GSK3B: variants seen among roughly 807,000 people sequenced by gnomAD.
The protein encoded by GSK3B is glycogen synthase kinase 3 beta.
Under a neutral mutation model 56.4 loss-of-function variants are expected in GSK3B, and 15 were observed. That is an observed-to-expected ratio of 0.27 (90% confidence interval 0.18 to 0.41). The LOEUF (loss-of-function observed/expected upper bound fraction) is 0.41. GSK3B is among the 10% of genes least tolerant of loss of function. The pLI is 1.00. For synonymous variants in GSK3B, 181 were observed against 188.9 expected (o/e 0.96, Z 0.34); for missense variants, 300 against 513.4 (o/e 0.58, Z 4.02).
intron 7 of GSK3B, among the ~76,000 whole-genome samples, chr3:119,898,734 C>A (rs1214485855): frequency 6.6e-6 from 1 of 152,064 alleles, no homozygotes; most frequent in Non-Finnish European, 1.5e-5. Flanking sequence ...CCAAGACTCC[C>A]AGTGGATGCC....
intron 7 of GSK3B, among the ~76,000 whole-genome samples, chr3:119,881,168 GATGA>G (rs745364470): frequency 2.0e-5 from 3 of 152,234 alleles, no homozygotes; most frequent in South Asian, 2.1e-4. Flanking sequence ...TACCTTTATG[GATGA>G]ATCTCACACA....
At chr3:119,923,862 G>A (rs2056866740) in intron 3 of GSK3B, among the ~76,000 whole-genome samples, 1 of 152,124 alleles carries the variant, frequency 6.6e-6, no homozygotes, top group Non-Finnish European at 1.5e-5. Flanking sequence ...GGAGAGTACT[G>A]AATCTGAAAC....
chr3:119,876,546 T>C (rs535206260), intron 7 of GSK3B, 38 bp from the exon 8 acceptor site: 1 of 1,142,604 alleles, frequency 8.8e-7, no homozygotes, highest in Admixed American at 1.8e-5. Context: ...TTTTCCTATA[T>C]ATTTACAAAT....
chr3:120,004,496 T>C (rs545874043), intron 1 of GSK3B, among the ~76,000 whole-genome samples: 4 of 152,286 alleles, frequency 2.6e-5, no homozygotes, highest in African/African-American at 9.6e-5. Context: ...GTAGCCTGAC[T>C]GGGAGATATC....
At position 119,912,820 on chromosome 3, in the gene GSK3B, A is replaced by AAAAAAT. The variant is rs1559833816; in HGVS notation, c.609-16_609-11dup. On this transcript the variant is annotated splice_polypyrimidine_tract_variant and intron_variant, in intron 5 of 10. Transcript: ENST00000264235. ...GACCAGCTGCTTTGCACTAACAGAAAAAAAATAAAAATAAAAAGCAGAAAT... is the reference window on the plus strand; with the variant it reads ...GACCAGCTGCTTTGCACTAACAGAAAAAAAATAAAAATAAAAATAAAAAGCAGAAAT... 7 of 1,427,096 alleles carry AAAAAAT rather than the reference A, an allele frequency of 4.9e-6. No homozygotes were observed. The Admixed American group carries it at 8.7e-5, about 18-fold the overall frequency. 88.4% of individuals were successfully genotyped at this position (1,427,096 alleles called of 1,614,324 possible). A position where few individuals can be genotyped will look rare whatever the true frequency, so the allele number is the denominator to read the frequency against.
At chr3:120,076,119 T>C (rs1355309556) in intron 1 of GSK3B, among the ~76,000 whole-genome samples, 1 of 152,008 alleles carries the variant, frequency 6.6e-6, no homozygotes, top group Non-Finnish European at 1.5e-5. Context: ...ACAACACAAT[T>C]CTTCAATAAA....
At chr3:119,871,281 T>C (rs2056247106) in intron 8 of GSK3B, among the ~76,000 whole-genome samples, 2 of 152,352 alleles carry the variant, frequency 1.3e-5, no homozygotes, top group East Asian at 3.9e-4. Flanking sequence ...TGATTCACTA[T>C]GAAGCATATT....
intron 8 of GSK3B, among the ~76,000 whole-genome samples, chr3:119,872,519 TA>T (rs2056261721): frequency 6.6e-6 from 1 of 152,108 alleles, no homozygotes; most frequent in African/African-American, 2.4e-5. Flanking sequence ...ATGTGCTTTT[TA>T]AAAAAGCCAA....
In GSK3B at chr3:119,826,557, CCCCT is replaced by C; in HGVS notation, c.*227_*230del. 1 of 397,498 alleles carries C rather than the reference CCCCT, an allele frequency of 2.5e-6. No homozygotes were observed. The highest frequency in any genetic ancestry group is 4.9e-6 in the Non-Finnish European group (1 of 202,090). The allele number at this position is 397,498 out of a possible 1,614,324, so 24.6% of individuals were successfully genotyped here. A position where few individuals can be genotyped will look rare whatever the true frequency, so the allele number is the denominator to read the frequency against. Reference sequence around the variant, plus strand: ...TGCTCCGCTTTCCCCCTCCCCACAACCCCTCCCACCCCCTGGATCTCCCTCAAAG... The same window carrying C: ...TGCTCCGCTTTCCCCCTCCCCACAACCCCACCCCCTGGATCTCCCTCAAAG... On this transcript the variant is annotated 3_prime_UTR_variant, in exon 11 of 11. Transcript: ENST00000264235.
At chr3:120,075,176 T>G (rs891166115) in intron 1 of GSK3B, among the ~76,000 whole-genome samples, 6 of 152,172 alleles carry the variant, frequency 3.9e-5, no homozygotes, top group African/African-American at 1.4e-4. Context: ...TTCAACAAAG[T>G]TAAACTTTCT....
chr3:119,998,358 C>T (rs574445433), intron 2 of GSK3B, among the ~76,000 whole-genome samples: 88 of 152,304 alleles, frequency 5.8e-4, no homozygotes, highest in African/African-American at 2.0e-3. Flanking sequence ...TGGCAAGGGA[C>T]CAAAGTCTGC....
At chr3:119,963,660 AAAAG>A (rs1266140727) in intron 2 of GSK3B, among the ~76,000 whole-genome samples, 1 of 151,168 alleles carries the variant, frequency 6.6e-6, no homozygotes, top group Non-Finnish European at 1.5e-5. Context: ...AAAAAAAGAA[AAAAG>A]AAAGAAAAAG....
intron 9 of GSK3B, among the ~76,000 whole-genome samples, chr3:119,844,825 T>A (rs1449511278): frequency 6.6e-6 from 1 of 152,184 alleles, no homozygotes; most frequent in African/African-American, 2.4e-5. Flanking sequence ...GCCAGCATCA[T>A]CCTGATAGCA....
chr3:119,967,075 T>C (rs773230392), intron 2 of GSK3B, among the ~76,000 whole-genome samples: 14 of 151,814 alleles, frequency 9.2e-5, no homozygotes, highest in Non-Finnish European at 2.1e-4. Context: ...CCTGTTGAAA[T>C]TACAGCTACC....
intron 5 of GSK3B, among the ~76,000 whole-genome samples, chr3:119,915,110 G>A (rs760444747): frequency 1.3e-5 from 2 of 151,954 alleles, no homozygotes; most frequent in African/African-American, 2.4e-5. Flanking sequence ...GAGGCACAAA[G>A]TACTGAAAAC....
intron 10 of GSK3B, among the ~76,000 whole-genome samples, chr3:119,829,834 C>T (rs1375838606): frequency 6.6e-6 from 1 of 152,186 alleles, no homozygotes; most frequent in Admixed American, 6.5e-5. Flanking sequence ...CTGTAATGAT[C>T]TCATATTTTT....
At chr3:119,839,415 G>C (rs2055738708) in intron 10 of GSK3B, among the ~76,000 whole-genome samples, 1 of 151,832 alleles carries the variant, frequency 6.6e-6, no homozygotes, top group African/African-American at 2.4e-5. Context: ...TTTGTTCCCA[G>C]GTCTACACAA....
chr3:119,876,567 T>A lies in GSK3B; in HGVS notation c.814-59A>T, dbSNP rs1224499458. 3 of 928,402 alleles carry A rather than the reference T, an allele frequency of 3.2e-6. No individual in the cohort carries two copies. The African/African-American group carries it at 4.9e-5, about 15-fold the overall frequency. The allele number at this position is 928,402 out of a possible 1,614,324, so 57.5% of individuals were successfully genotyped here. On this transcript the variant is annotated intron_variant, in intron 7 of 10. Transcript: ENST00000264235. ...TATATATTTACAAATTTAGTCTCCATGTTTTCAGGCATTGGATTCACTGAA... is the reference window on the plus strand; with the variant it reads ...TATATATTTACAAATTTAGTCTCCAAGTTTTCAGGCATTGGATTCACTGAA...
chr3:120,002,339 A>AT (rs1170980663), intron 1 of GSK3B, 100 bp from the exon 2 acceptor site: 26 of 567,498 alleles, frequency 4.6e-5, no homozygotes, highest in South Asian at 5.7e-5. Flanking sequence ...TTTATTTTTT[A>AT]TTTTATTTTT....
Sources: gnomAD v4.1 joint callset for allele counts (sites outside exome capture counted in the v4.1 genomes callset) on GRCh38, gnomAD v4.1.1 for gene constraint, MANE v1.5 for transcripts, NCBI Gene and HGNC (gene_info 2026-07-23, HGNC 2026-07-21) for gene names.